Variants in SLCO1B1 observed in about 807,000 individuals in gnomAD.
The protein encoded by SLCO1B1 is OATP-2.
A neutral mutation model predicts 70.1 loss-of-function variants in SLCO1B1; 81 were observed. That is an observed-to-expected ratio of 1.16 (90% CI 0.97 to 1.39). SLCO1B1 has a LOEUF of 1.39. SLCO1B1 is among the 40% of genes most tolerant of loss of function. SLCO1B1 has a pLI of 0.00. For missense variants in SLCO1B1, 895 were observed against 799.6 expected, an observed-to-expected ratio of 1.12 and a Z score of -1.44; for synonymous variants, 283 against 271.5, an observed-to-expected ratio of 1.04 and a Z score of -0.42.
intron 2 of SLCO1B1, among the ~76,000 whole-genome samples, chr12:21,155,409 T>A (rs1591801847): frequency 6.6e-6 from 1 of 152,120 alleles, no homozygotes; most frequent in East Asian, 1.9e-4. Flanking sequence ...TTGCTTTTAT[T>A]TCATTTTGCT....
chr12:21,150,432 C>T (rs967417183), intron 2 of SLCO1B1, among the ~76,000 whole-genome samples: 1 of 152,128 alleles, frequency 6.6e-6, no homozygotes, highest in Non-Finnish European at 1.5e-5. Flanking sequence ...ACAGACACCT[C>T]ATGCAGGAGA....
intron 11 of SLCO1B1, among the ~76,000 whole-genome samples, chr12:21,209,655 A>T (rs1481629149): frequency 1.3e-5 from 2 of 151,698 alleles, no homozygotes; most frequent in Admixed American, 1.3e-4. Flanking sequence ...CAATGGTTAA[A>T]CTAGTTTACA....
At chr12:21,221,050 TAAAAAC>T (rs1299682845) in intron 12 of SLCO1B1, among the ~76,000 whole-genome samples, 2 of 151,716 alleles carry the variant, frequency 1.3e-5, no homozygotes, top group Non-Finnish European at 2.9e-5. Context: ...AAGACAAAAT[TAAAAAC>T]AAAAACCATA....
intron 11 of SLCO1B1, among the ~76,000 whole-genome samples, chr12:21,214,608 C>A (rs1941333591): frequency 1.5e-5 from 2 of 131,530 alleles, no homozygotes; most frequent in Non-Finnish European, 3.4e-5. Context: ...AGCTTCCAGG[C>A]CGCTTTGTTT....
At chr12:21,173,360 T>G (rs1219843678) in intron 3 of SLCO1B1, among the ~76,000 whole-genome samples, 1 of 152,172 alleles carries the variant, frequency 6.6e-6, no homozygotes, top group African/African-American at 2.4e-5. Flanking sequence ...TTTTTCTAGA[T>G]AATTTATAAG....
At chr12:21,189,621 A>G (rs1383503445) in intron 7 of SLCO1B1, among the ~76,000 whole-genome samples, 1 of 151,816 alleles carries the variant, frequency 6.6e-6, no homozygotes, top group Non-Finnish European at 1.5e-5. Context: ...TAATTTTTGT[A>G]TTTTTAGTAG....
intron 1 of SLCO1B1, among the ~76,000 whole-genome samples, chr12:21,132,741 C>T (rs1565660729): frequency 6.6e-6 from 1 of 151,486 alleles, no homozygotes; most frequent in Non-Finnish European, 1.5e-5. Context: ...AGCCTTTTGT[C>T]AGATGAGTAG....
intron 7 of SLCO1B1, among the ~76,000 whole-genome samples, chr12:21,189,053 A>T (rs1452203444): frequency 6.6e-6 from 1 of 152,218 alleles, no homozygotes; most frequent in East Asian, 1.9e-4. Context: ...AGCTATTATG[A>T]ATAGTGCTGC....
intron 2 of SLCO1B1, among the ~76,000 whole-genome samples, chr12:21,158,637 T>G (rs1264006900): frequency 6.6e-6 from 1 of 151,960 alleles, no homozygotes; most frequent in African/African-American, 2.4e-5. Context: ...GAGGTTGCAG[T>G]GAGCCAAGAC....
chr12:21,186,788 T>C (rs180731298), intron 7 of SLCO1B1, among the ~76,000 whole-genome samples: 1 of 152,236 alleles, frequency 6.6e-6, no homozygotes, highest in Admixed American at 6.5e-5. Context: ...GAAATTGTTA[T>C]ATGGCTGCAA....
At chr12:21,218,603 TATAA>T (rs1203470355) in intron 12 of SLCO1B1, among the ~76,000 whole-genome samples, 4 of 145,200 alleles carry the variant, frequency 2.8e-5, no homozygotes, top group Non-Finnish European at 6.1e-5. Flanking sequence ...TCCATCTTAA[TATAA>T]AATGTTGTCT....
At chr12:21,167,014 G>A (rs1229277540) in intron 2 of SLCO1B1, among the ~76,000 whole-genome samples, 3 of 152,094 alleles carry the variant, frequency 2.0e-5, no homozygotes, top group African/African-American at 7.2e-5. Context: ...AACATTAAAA[G>A]TATATTTATA....
Position 21,217,099 on chromosome 12 carries a change from T to G in SLCO1B1, c.1498-20T>G, listed in dbSNP as rs1941367418. ...GGTCTTGCAAATTTCTTATGTCATA[T>G]TTTATACACAACGCTTAAGGTGTTT... On this transcript the variant is annotated intron_variant, in intron 11 of 14. Transcript: ENST00000256958. The G allele has an allele frequency of 7.5e-6, 12 of 1,607,892 alleles. No individual in the cohort carries two copies. The highest frequency in any genetic ancestry group is 1.0e-5 in the Non-Finnish European group (12 of 1,175,776).
chr12:21,179,069 C>A, intron 7 of SLCO1B1, 49 bp downstream of exon 7: 3 of 1,159,776 alleles, frequency 2.6e-6, no homozygotes, highest in Non-Finnish European at 3.9e-6. Flanking sequence ...TCTAAGCACA[C>A]ATGCGAAAAA....
Position 21,202,671 on chromosome 12 carries a change from C to T in SLCO1B1, c.1316C>T (p.Thr439Ile), listed in dbSNP as rs776539887. The change falls in exon 10 of 15, where the codon ACC becomes ATC. Residue 439 changes from threonine (T) to isoleucine (I), a missense_variant. Physicochemically the swap from Thr to Ile is moderately conservative, Grantham distance 89 (BLOSUM62 -1). Transcript: ENST00000256958. ...LCENKSVAGL[T>I]MTYDGNNPVT... ...GAAAACAAATCAGTTGCCGGACTAA[C>T]CATGACCTATGATGGGTTTGTATAT... is the stretch of plus-strand genomic sequence containing the variant. 1.9e-6 allele frequency: 3 copies of T among 1,611,548 alleles called. No homozygotes were observed. In the South Asian group the frequency reaches 3.3e-5, roughly 18 times the overall value.
intron 2 of SLCO1B1, among the ~76,000 whole-genome samples, chr12:21,161,316 G>C (rs1591804066): frequency 6.6e-6 from 1 of 152,114 alleles, no homozygotes; most frequent in Non-Finnish European, 1.5e-5. Flanking sequence ...ACATACTATG[G>C]AATACTATGC....
intron 2 of SLCO1B1, among the ~76,000 whole-genome samples, chr12:21,147,363 T>C (rs1229762833): frequency 6.6e-6 from 1 of 152,160 alleles, no homozygotes; most frequent in Non-Finnish European, 1.5e-5. Flanking sequence ...GGTAAACACA[T>C]GCCATGGTGG....
intron 1 of SLCO1B1, among the ~76,000 whole-genome samples, chr12:21,138,355 T>TA (rs1191628119): frequency 6.6e-6 from 1 of 152,182 alleles, no homozygotes; most frequent in Non-Finnish European, 1.5e-5. Flanking sequence ...TCCAAATGCC[T>TA]ATGGTTCTAT....
intron 2 of SLCO1B1, among the ~76,000 whole-genome samples, chr12:21,154,284 T>C (rs1226440695): frequency 2.0e-5 from 3 of 152,072 alleles, no homozygotes; most frequent in African/African-American, 7.2e-5. Context: ...GATTAGTTCA[T>C]GAAGGTAGAG....
Sources: allele counts gnomAD v4.1 joint callset (sites outside exome capture counted in the v4.1 genomes callset), GRCh38; gene constraint gnomAD v4.1.1; transcripts MANE v1.5; gene names NCBI Gene and HGNC (gene_info 2026-07-23, HGNC 2026-07-21).